KHDRBS2: variants seen among roughly 807,000 people sequenced by gnomAD.
KHDRBS2 encodes the protein KH RNA binding domain containing, signal transduction associated 2, also known as KH domain-containing, RNA-binding, signal transduction-associated protein 2.
KHDRBS2 carries 26 observed loss-of-function variants against 44.3 expected under a neutral mutation model. The ratio of observed to expected loss-of-function variants is 0.59; its 90% CI spans 0.43 to 0.81. The LOEUF (loss-of-function observed/expected upper bound fraction) is 0.81, where lower values mean the gene tolerates loss of function less well. Ranked by LOEUF, KHDRBS2 falls within the 40% of genes least tolerant of loss-of-function variation. KHDRBS2 has a pLI of 0.00. For synonymous variants in KHDRBS2, 194 were observed against 151.1 expected (o/e 1.28, Z -2.08); for missense variants, 476 against 433.1 (o/e 1.10, Z -0.88).
chr6:61,589,931 C>A, the KHDRBS2 span, among the ~76,000 whole-genome samples: 1 of 152,158 alleles, frequency 6.6e-6, no homozygotes, highest in Non-Finnish European at 1.5e-5. Context: ...TTTCAAATTC[C>A]CAAATGATCA....
intron 7 of KHDRBS2, among the ~76,000 whole-genome samples, chr6:61,715,856 A>G (rs1582343176): frequency 6.6e-6 from 1 of 152,004 alleles, no homozygotes; most frequent in Non-Finnish European, 1.5e-5. Context: ...TCAGGACCAT[A>G]GCTATCTATA....
chr6:61,707,290 C>T (rs1315330923), intron 7 of KHDRBS2, among the ~76,000 whole-genome samples: 1 of 151,650 alleles, frequency 6.6e-6, no homozygotes, highest in African/African-American at 2.4e-5. Context: ...CATGTCCACC[C>T]CTAAGTGCAG....
intron 2 of KHDRBS2, among the ~76,000 whole-genome samples, chr6:62,151,480 G>T (rs1815171936): frequency 6.6e-6 from 1 of 152,076 alleles, no homozygotes; most frequent in African/African-American, 2.4e-5. Flanking sequence ...GTGATGAATA[G>T]GGCATCTTTA....
intron 4 of KHDRBS2, among the ~76,000 whole-genome samples, chr6:61,906,005 G>A (rs1235776533): frequency 5.3e-5 from 8 of 151,588 alleles, no homozygotes; most frequent in African/African-American, 1.5e-4. Context: ...CCACCACCAC[G>A]CCTGGGTAAT....
At chr6:62,218,398 C>G (rs1830368760) in intron 1 of KHDRBS2, among the ~76,000 whole-genome samples, 1 of 151,698 alleles carries the variant, frequency 6.6e-6, no homozygotes, top group South Asian at 2.1e-4. Flanking sequence ...CTGCAGCACA[C>G]AATGGCAGGT....
intron 7 of KHDRBS2, among the ~76,000 whole-genome samples, chr6:61,698,212 T>G (rs1228599619): frequency 1.3e-5 from 2 of 152,146 alleles, no homozygotes; most frequent in African/African-American, 4.8e-5. Context: ...GCTTCAGATA[T>G]CTCCTCTTTC....
At chr6:61,637,254 A>G in the KHDRBS2 span, among the ~76,000 whole-genome samples, 1 of 151,848 alleles carries the variant, frequency 6.6e-6, no homozygotes, top group Middle Eastern at 3.4e-3. Flanking sequence ...TCATTGTTCA[A>G]TTTCCACCTA....
intron 4 of KHDRBS2, among the ~76,000 whole-genome samples, chr6:61,945,113 GTATATA>G (rs61105265): frequency 8.0e-4 from 12 of 14,994 alleles, no homozygotes; most frequent in East Asian, 2.8e-3. Context: ...AAAAAAAAAA[GTATATA>G]TATATATATA....
intron 4 of KHDRBS2, among the ~76,000 whole-genome samples, chr6:61,933,955 A>C (rs1389856967): frequency 1.3e-5 from 2 of 152,146 alleles, no homozygotes; most frequent in Non-Finnish European, 2.9e-5. Flanking sequence ...TATCCTCATC[A>C]AAACTGGCTT....
At chr6:61,593,807 G>T in the KHDRBS2 span, among the ~76,000 whole-genome samples, 22 of 152,144 alleles carry the variant, frequency 1.4e-4, 1 homozygote, top group South Asian at 4.4e-3. Context: ...TGAGTTTCCT[G>T]GGCCTGTCAC....
chr6:62,193,489 A>G (rs1027521552), intron 1 of KHDRBS2, among the ~76,000 whole-genome samples: 5 of 152,120 alleles, frequency 3.3e-5, no homozygotes, highest in Non-Finnish European at 5.9e-5. Flanking sequence ...AGCCTAATAT[A>G]TGTAATTTAA....
At chr6:62,213,133 AT>A (rs2150146453) in intron 1 of KHDRBS2, among the ~76,000 whole-genome samples, 1 of 152,266 alleles carries the variant, frequency 6.6e-6, no homozygotes, top group Non-Finnish European at 1.5e-5. Flanking sequence ...AGAAGGGGAA[AT>A]TTTAATCCGT....
chr6:61,697,603 T>G (rs1372172153), intron 7 of KHDRBS2, among the ~76,000 whole-genome samples: 1 of 152,130 alleles, frequency 6.6e-6, no homozygotes, highest in Non-Finnish European at 1.5e-5. Flanking sequence ...TGGTCAATCA[T>G]GTATAGCTTT....
chr6:61,936,160 G>T (rs960341785), intron 4 of KHDRBS2, among the ~76,000 whole-genome samples: 1 of 151,846 alleles, frequency 6.6e-6, no homozygotes, highest in Admixed American at 6.6e-5. Context: ...TATAAATATG[G>T]TATGTACATA....
chr6:61,779,858 C>A (rs1262399147), intron 6 of KHDRBS2, among the ~76,000 whole-genome samples: 1 of 151,880 alleles, frequency 6.6e-6, no homozygotes, highest in African/African-American at 2.4e-5. Flanking sequence ...AGAATGCATC[C>A]AAGCTGGCAA....
chr6:61,761,815 G>T (rs1383960011), intron 6 of KHDRBS2, among the ~76,000 whole-genome samples: 4 of 152,048 alleles, frequency 2.6e-5, no homozygotes, highest in African/African-American at 9.7e-5. Flanking sequence ...GAGTTAATTT[G>T]CACAACTAAA....
At position 62,063,342 on chromosome 6, in the gene KHDRBS2, A is replaced by C. The variant is rs566763838; in HGVS notation, c.220-15348T>G. 2.6e-5 allele frequency among the ~76,000 whole-genome samples: 4 copies of C among 151,438 alleles called. No individual in the cohort carries two copies. The Admixed American group carries it at 2.6e-4, about 10-fold the overall frequency. On this transcript the variant is annotated intron_variant, in intron 2 of 8. Transcript: ENST00000281156. ...ACACAACCGAACAAGAGAATTTTAG[A>C]CCAATATCCTTGATGAACATTGATG... is the stretch of plus-strand genomic sequence containing the variant.
At chr6:62,048,525 T>C (rs1788253282) in intron 2 of KHDRBS2, among the ~76,000 whole-genome samples, 1 of 151,908 alleles carries the variant, frequency 6.6e-6, no homozygotes, top group South Asian at 2.1e-4. Flanking sequence ...ACAACTTTCA[T>C]AATCAGGAAT....
At position 62,020,731 on chromosome 6, in the gene KHDRBS2, T is replaced by TA. The variant is rs566326594; in HGVS notation, c.336+27146dup. ...CTATTCTTTTATCTGAAATCTAAGT[T>TA]ATCTGATATAAATATGGTCACCCCA... On this transcript the variant is annotated intron_variant, in intron 3 of 8. Transcript: ENST00000281156. 2.1e-3 allele frequency among the ~76,000 whole-genome samples: 323 copies of TA among 152,144 alleles called. 1 individual carries two copies. The highest frequency in any genetic ancestry group is 7.3e-3 in the African/African-American group (304 of 41,562).
Sources: allele counts gnomAD v4.1 joint callset (sites outside exome capture counted in the v4.1 genomes callset), GRCh38; gene constraint gnomAD v4.1.1; transcripts MANE v1.5; gene names NCBI Gene and HGNC (gene_info 2026-07-23, HGNC 2026-07-21).